RUNDC3B: variants seen among roughly 807,000 people sequenced by gnomAD.
RUNDC3B encodes the protein RUN domain-containing protein 3B.
Under a neutral mutation model 58.4 loss-of-function variants are expected in RUNDC3B, and 33 were observed. The ratio of observed to expected loss-of-function variants is 0.56; its 90% CI spans 0.43 to 0.75. RUNDC3B has a LOEUF of 0.75. RUNDC3B is among the 30% of genes least tolerant of loss of function. RUNDC3B has a pLI of 0.00. For synonymous variants in RUNDC3B, 193 were observed against 195.2 expected, an observed-to-expected ratio of 0.99 and a Z score of 0.10; for missense variants, 501 against 535.7, an observed-to-expected ratio of 0.94 and a Z score of 0.64.
At chr7:87,649,667 A>G (rs1823377673) in intron 1 of RUNDC3B, among the ~76,000 whole-genome samples, 2 of 152,180 alleles carry the variant, frequency 1.3e-5, no homozygotes, top group Non-Finnish European at 2.9e-5. Flanking sequence ...TTTGCTATTT[A>G]TAAGCTCATA....
At chr7:87,785,219 C>T (rs1044903966) in intron 8 of RUNDC3B, among the ~76,000 whole-genome samples, 6 of 151,948 alleles carry the variant, frequency 3.9e-5, no homozygotes, top group South Asian at 4.2e-4. Flanking sequence ...GCTGAAATTG[C>T]GGGGCTGTCC....
Position 87,816,178 on chromosome 7 carries a change from G to A in RUNDC3B, c.1141G>A (p.Val381Ile), listed in dbSNP as rs752037828. 12 of 1,609,838 alleles carry A rather than the reference G, an allele frequency of 7.5e-6. No individual in the cohort carries two copies. In the East Asian group the frequency reaches 2.7e-4, roughly 36 times the overall value. ...AAGTCTTGACCAGTTATCAGCAGAA[G>A]TTAGCCTTTCTCAGACTTCACTAGA... ...YQSLDQLSAE[V>I]SLSQTSLDPG... Residue 381 changes from valine to isoleucine, a missense_variant, in exon 10 of 11, where the codon GTT (valine) becomes ATT (isoleucine). Physicochemically the swap from Val to Ile is conservative, Grantham distance 29. Transcript: ENST00000394654.
At chr7:87,802,226 C>T (rs1836203588) in intron 8 of RUNDC3B, among the ~76,000 whole-genome samples, 1 of 151,656 alleles carries the variant, frequency 6.6e-6, no homozygotes, top group Admixed American at 6.6e-5. Context: ...ACCTGGGTCT[C>T]TATAAAAGAT....
At chr7:87,753,778 G>T (rs1267555698) in intron 6 of RUNDC3B, among the ~76,000 whole-genome samples, 2 of 152,096 alleles carry the variant, frequency 1.3e-5, no homozygotes, top group Admixed American at 6.6e-5. Context: ...TTTAAACCTG[G>T]AAATGTATGC....
chr7:87,670,885 AGT>A (rs1563120111), intron 2 of RUNDC3B, among the ~76,000 whole-genome samples: 1 of 152,192 alleles, frequency 6.6e-6, no homozygotes, highest in Non-Finnish European at 1.5e-5. Context: ...ATGTTCTGAA[AGT>A]GTGAGTTTCT....
At chr7:87,643,687 A>ATT in intron 1 of RUNDC3B, among the ~76,000 whole-genome samples, 1 of 141,456 alleles carries the variant, frequency 7.1e-6, no homozygotes, top group African/African-American at 2.6e-5. Context: ...TGCTCAGCTG[A>ATT]TTTTTTTTTT....
At chr7:87,762,492 A>G (rs1249014670) in intron 6 of RUNDC3B, among the ~76,000 whole-genome samples, 2 of 151,448 alleles carry the variant, frequency 1.3e-5, no homozygotes, top group African/African-American at 4.8e-5. Context: ...TGAAAAATCA[A>G]TGGTATATTG....
At chr7:87,661,595 G>A (rs1824722003) in intron 2 of RUNDC3B, among the ~76,000 whole-genome samples, 1 of 151,746 alleles carries the variant, frequency 6.6e-6, no homozygotes, top group African/African-American at 2.4e-5. Flanking sequence ...GCAAATGATA[G>A]GATCTCATTT....
intron 8 of RUNDC3B, among the ~76,000 whole-genome samples, chr7:87,805,292 C>CT (rs1836378790): frequency 6.6e-6 from 1 of 152,122 alleles, no homozygotes; most frequent in Non-Finnish European, 1.5e-5. Flanking sequence ...CCATAGTGTA[C>CT]TTGAGTGATG....
chr7:87,807,775 A>G (rs1836514232), intron 9 of RUNDC3B, among the ~76,000 whole-genome samples: 1 of 152,150 alleles, frequency 6.6e-6, no homozygotes, highest in Admixed American at 6.6e-5. Context: ...TTAATGAGCC[A>G]TCTATTTTTG....
chr7:87,807,468 C>G lies in RUNDC3B; in HGVS notation c.1052C>G (p.Ala351Gly). ...WPSPGALDVN[A>G]VALDTLLYRK... ...TCTCCAGGAGCTCTGGATGTCAATG[C>G]TGTTGCCTTGGATACGTTGCTTTAC... Residue 351 changes from alanine (A) to glycine (G), a missense_variant, in exon 9 of 11, where the codon GCT becomes GGT. Transcript: ENST00000394654. The G allele has an allele frequency of 6.2e-7, 1 of 1,613,498 alleles. No homozygotes were observed. Among genetic ancestry groups the G allele is most frequent in the Non-Finnish European group, 8.5e-7 (1 of 1,179,488 alleles).
In RUNDC3B at chr7:87,712,466, G is replaced by C. The variant is rs187356780; in HGVS notation, c.458+1811G>C. Among the ~76,000 whole-genome samples the C allele has an allele frequency of 7.9e-5, 12 of 152,096 alleles. No individual in the cohort carries two copies. In the East Asian group the frequency reaches 2.3e-3, roughly 29 times the overall value. Reference sequence around the variant, plus strand: ...CCTACATTAATTAAATCAAAATCAAGTTTGCATAGTAATCATTTCCTATGC... The same window carrying C: ...CCTACATTAATTAAATCAAAATCAACTTTGCATAGTAATCATTTCCTATGC... On this transcript the variant is annotated intron_variant, in intron 4 of 10. Coordinates refer to ENST00000394654, the MANE Select transcript of RUNDC3B (RefSeq NM_001134405.2).
chr7:87,693,879 GTGT>G lies in RUNDC3B; in HGVS notation c.239-6531_239-6529del, dbSNP rs772869213. ...GATGGCAGGTTTCTTAAATATCTGT[GTGT>G]TGTTGTTGTTATTTTTTTTTTAAAG... is the stretch of plus-strand genomic sequence containing the variant. On this transcript the variant is annotated intron_variant, in intron 2 of 10. Transcript: ENST00000394654. 217 of 1,597,712 alleles carry G rather than the reference GTGT, an allele frequency of 1.4e-4. 1 individual carries two copies. The highest frequency in any genetic ancestry group is 1.3e-3 in the East Asian group (58 of 44,724).
chr7:87,710,568 A>G lies in RUNDC3B; in HGVS notation c.373-2A>G. On this transcript the variant is annotated splice_acceptor_variant, in intron 3 of 10. Coordinates refer to ENST00000394654, the MANE Select transcript of RUNDC3B (RefSeq NM_001134405.2). LOFTEE classifies it high-confidence loss of function. ...TATTTGATTCTTTCTTCTTCCTTTT[A>G]GGGTAGAGCCTGGATCAGAGTAGCA... 6.5e-7 allele frequency: 1 copy of G among 1,537,640 alleles called. No homozygotes were observed.
At chr7:87,747,066 A>G (rs1303529302) in intron 6 of RUNDC3B, among the ~76,000 whole-genome samples, 3 of 152,068 alleles carry the variant, frequency 2.0e-5, no homozygotes, top group Admixed American at 6.5e-5. Flanking sequence ...TTATATTACC[A>G]GGGTTGGTTT....
At chr7:87,715,175 G>A (rs1010541698) in intron 4 of RUNDC3B, among the ~76,000 whole-genome samples, 4 of 139,666 alleles carry the variant, frequency 2.9e-5, no homozygotes, top group East Asian at 2.0e-4. Context: ...TAAAGGATGA[G>A]GGAAATATAA....
chr7:87,703,765 T>C (rs1829295687), intron 3 of RUNDC3B, among the ~76,000 whole-genome samples: 1 of 151,872 alleles, frequency 6.6e-6, no homozygotes, highest in Non-Finnish European at 1.5e-5. Context: ...TTGACCTCTG[T>C]TTCCTCAAAC....
At chr7:87,682,591 G>A (rs996181257) in intron 2 of RUNDC3B, among the ~76,000 whole-genome samples, 1 of 152,176 alleles carries the variant, frequency 6.6e-6, no homozygotes, top group Non-Finnish European at 1.5e-5. Flanking sequence ...TAGGTGCATT[G>A]TCAATGAGCA....
rs1838109803 is a variant in RUNDC3B, at chr7:87,831,182, T to C, written c.*1152T>C. 1 of 151,744 alleles carries C rather than the reference T, an allele frequency of 6.6e-6. No individual in the cohort carries two copies. The highest frequency in any genetic ancestry group is 6.6e-5 in the Admixed American group (1 of 15,180). The allele number at this position is 151,744 out of a possible 1,614,324, so 9.4% of individuals were successfully genotyped here. A position where few individuals can be genotyped will look rare whatever the true frequency, so the allele number is the denominator to read the frequency against. ...CACCATACTGAAAATGTATGGCGTGTATTTTCTATAGTAAGTAATATGAGG... is the reference window on the plus strand; with the variant it reads ...CACCATACTGAAAATGTATGGCGTGCATTTTCTATAGTAAGTAATATGAGG... On this transcript the variant is annotated 3_prime_UTR_variant, in exon 11 of 11. Coordinates refer to ENST00000394654, the MANE Select transcript of RUNDC3B (RefSeq NM_001134405.2).
Sources: gnomAD v4.1 joint callset for allele counts (sites outside exome capture counted in the v4.1 genomes callset) on GRCh38, gnomAD v4.1.1 for gene constraint, MANE v1.5 for transcripts, NCBI Gene and HGNC (gene_info 2026-07-23, HGNC 2026-07-21) for gene names.